GRK3: variants seen among roughly 807,000 people sequenced by gnomAD.
The protein encoded by GRK3 is adrenergic, beta, receptor kinase 2.
GRK3 carries 54 observed loss-of-function variants against 95.7 expected under a neutral mutation model. The ratio of observed to expected loss-of-function variants is 0.56; its 90% CI spans 0.45 to 0.71. The LOEUF is 0.71. GRK3 is among the 30% of genes least tolerant of loss of function. GRK3 has a pLI of 0.00. For missense variants in GRK3, 649 were observed against 851.2 expected (o/e 0.76, Z 2.96); for synonymous variants, 281 against 290.8 (o/e 0.97, Z 0.34).
chr22:25,595,154 T>C (rs2084363908), intron 1 of GRK3, among the ~76,000 whole-genome samples: 1 of 152,158 alleles, frequency 6.6e-6, no homozygotes, highest in Non-Finnish European at 1.5e-5. Flanking sequence ...AACATAGTAC[T>C]GGAGCAGTCA....
intron 2 of GRK3, among the ~76,000 whole-genome samples, chr22:25,633,006 G>A (rs1216975998): frequency 1.3e-5 from 2 of 152,020 alleles, no homozygotes; most frequent in African/African-American, 2.4e-5. Flanking sequence ...TGCCTCCCAG[G>A]TTCAAGTGAT....
intron 1 of GRK3, among the ~76,000 whole-genome samples, chr22:25,583,126 A>G (rs1261606576): frequency 6.6e-6 from 1 of 152,196 alleles, no homozygotes; most frequent in Non-Finnish European, 1.5e-5. Flanking sequence ...AGGAGGCCTG[A>G]ACTGTGTTTG....
chr22:25,666,346 G>A (rs745823032), intron 5 of GRK3, among the ~76,000 whole-genome samples: 30 of 152,096 alleles, frequency 2.0e-4, no homozygotes, highest in Admixed American at 1.4e-3. Context: ...AATCTATTTC[G>A]TCTCTTGACT....
At chr22:25,695,879 G>A (rs1471135412) in intron 13 of GRK3, among the ~76,000 whole-genome samples, 1 of 147,896 alleles carries the variant, frequency 6.8e-6, no homozygotes, top group Non-Finnish European at 1.5e-5. Flanking sequence ...CTGTCTCCCA[G>A]GCTGGAGTGC....
At chr22:25,654,879 A>C (rs943361877) in intron 3 of GRK3, among the ~76,000 whole-genome samples, 5 of 152,118 alleles carry the variant, frequency 3.3e-5, no homozygotes, top group Non-Finnish European at 1.5e-5. Flanking sequence ...CTGGCTTGGC[A>C]CATGGTGGGT....
intron 5 of GRK3, among the ~76,000 whole-genome samples, chr22:25,666,872 G>A (rs2084945630): frequency 6.6e-6 from 1 of 152,108 alleles, no homozygotes; most frequent in Non-Finnish European, 1.5e-5. Flanking sequence ...TTGACTCTGG[G>A]CTGAACTGTG....
rs1331536662 is a variant in GRK3, at chr22:25,724,814, A to G, written c.*2364A>G. ...CCGGTTGCCTGCATGGCCAGAGGAA[A>G]AGTCAGTTGGATTAAACATCATGGT... is the stretch of plus-strand genomic sequence containing the variant. On this transcript the variant is annotated 3_prime_UTR_variant, in exon 21 of 21. Coordinates refer to ENST00000324198, the MANE Select transcript of GRK3 (RefSeq NM_005160.4). The G allele has an allele frequency of 6.6e-6, 1 of 151,982 alleles. No homozygotes were observed. Among genetic ancestry groups the G allele is most frequent in the Non-Finnish European group, 1.5e-5 (1 of 67,990 alleles). The allele number at this position is 151,982 out of a possible 1,614,324, so 9.4% of individuals were successfully genotyped here.
intron 1 of GRK3, among the ~76,000 whole-genome samples, chr22:25,575,434 AG>A (rs1461442622): frequency 6.6e-6 from 1 of 152,182 alleles, no homozygotes; most frequent in Non-Finnish European, 1.5e-5. Flanking sequence ...CTCTAGAACT[AG>A]GGTTTGAATT....
chr22:25,565,231 G>C, intron 1 of GRK3, 78 bp downstream of exon 1: 2 of 683,856 alleles, frequency 2.9e-6, no homozygotes, highest in Non-Finnish European at 4.4e-6. Flanking sequence ...TTCCTGGAGG[G>C]TCGGGCGCTG....
chr22:25,567,405 C>T (rs1931528588), intron 1 of GRK3, among the ~76,000 whole-genome samples: 1 of 152,192 alleles, frequency 6.6e-6, no homozygotes, highest in Non-Finnish European at 1.5e-5. Context: ...GCAAAATTCT[C>T]TCTACCACTG....
chr22:25,578,769 G>A (rs1231775770), intron 1 of GRK3, among the ~76,000 whole-genome samples: 3 of 152,132 alleles, frequency 2.0e-5, no homozygotes, highest in Non-Finnish European at 4.4e-5. Flanking sequence ...CAGCCTCCAT[G>A]TGAGACCGCA....
intron 10 of GRK3, among the ~76,000 whole-genome samples, chr22:25,686,221 CAA>C (rs150613134): frequency 1.9e-5 from 2 of 104,024 alleles, no homozygotes; most frequent in African/African-American, 3.6e-5. Context: ...GACTCCGTCT[CAA>C]AAAAAAAAAA....
chr22:25,653,781 C>T (rs1428884800), intron 3 of GRK3, among the ~76,000 whole-genome samples: 2 of 152,172 alleles, frequency 1.3e-5, no homozygotes, highest in Admixed American at 1.3e-4. Flanking sequence ...ACCTGTCTCC[C>T]GGGTTCAACC....
chr22:25,588,859 C>T (rs1351373061), intron 1 of GRK3, among the ~76,000 whole-genome samples: 1 of 151,862 alleles, frequency 6.6e-6, no homozygotes, highest in Non-Finnish European at 1.5e-5. Flanking sequence ...GCCTCAAACC[C>T]CTGGGCTCAA....
At chr22:25,588,762 T>C (rs1601455741) in intron 1 of GRK3, among the ~76,000 whole-genome samples, 1 of 151,738 alleles carries the variant, frequency 6.6e-6, no homozygotes, top group South Asian at 2.1e-4. Flanking sequence ...GTGTGCTGCT[T>C]ATAGTTCATT....
At chr22:25,699,266 T>G (rs778159586) in intron 13 of GRK3, among the ~76,000 whole-genome samples, 5 of 152,164 alleles carry the variant, frequency 3.3e-5, no homozygotes, top group Admixed American at 6.5e-5. Flanking sequence ...CCCTGGCAGC[T>G]GTCTTTTCTC....
chr22:25,679,632 A>AC (rs2085059517), intron 9 of GRK3, among the ~76,000 whole-genome samples: 1 of 152,238 alleles, frequency 6.6e-6, no homozygotes, highest in Admixed American at 6.5e-5. Flanking sequence ...AGTGTATGTG[A>AC]AGACACATCC....
intron 3 of GRK3, among the ~76,000 whole-genome samples, chr22:25,646,806 A>C (rs1393799915): frequency 6.6e-6 from 1 of 152,060 alleles, no homozygotes. Context: ...GTGGATCACG[A>C]GGTCAGGAGT....
intron 3 of GRK3, among the ~76,000 whole-genome samples, chr22:25,653,934 G>A (rs1044898706): frequency 1.3e-5 from 2 of 152,084 alleles, no homozygotes; most frequent in African/African-American, 4.8e-5. Flanking sequence ...TAATCGGCCC[G>A]CCTCAGCCTC....
Sources: gnomAD v4.1 joint callset for allele counts (sites outside exome capture counted in the v4.1 genomes callset) on GRCh38, gnomAD v4.1.1 for gene constraint, MANE v1.5 for transcripts, NCBI Gene and HGNC (gene_info 2026-07-23, HGNC 2026-07-21) for gene names.